PTPRR: variants seen among roughly 807,000 people sequenced by gnomAD.
The protein encoded by PTPRR is receptor-type tyrosine-protein phosphatase R.
In PTPRR, 38 loss-of-function variants were observed where a neutral mutation model predicts 77.2. The observed-to-expected ratio is 0.49, with a 90% CI of 0.38 to 0.65. The LOEUF (loss-of-function observed/expected upper bound fraction) is 0.65, where lower values mean the gene tolerates loss of function less well. Ranked by LOEUF, PTPRR falls within the 30% of genes least tolerant of loss-of-function variation. The pLI is 0.00. For missense variants in PTPRR, 744 were observed against 799.2 expected, an observed-to-expected ratio of 0.93 and a Z score of 0.83; for synonymous variants, 299 against 283.1, an observed-to-expected ratio of 1.06 and a Z score of -0.57.
At chr12:70,798,388 C>T (rs1891553240) in intron 2 of PTPRR, among the ~76,000 whole-genome samples, 1 of 152,180 alleles carries the variant, frequency 6.6e-6, no homozygotes, top group African/African-American at 2.4e-5. Context: ...CTTCATATAA[C>T]ATCAAGAGAA....
At chr12:70,825,516 G>A (rs980079106) in intron 2 of PTPRR, among the ~76,000 whole-genome samples, 2 of 152,116 alleles carry the variant, frequency 1.3e-5, no homozygotes, top group African/African-American at 2.4e-5. Flanking sequence ...TGGATTTAGT[G>A]CTAATGGAGA....
At chr12:70,905,684 A>G (rs891530346) in intron 1 of PTPRR, among the ~76,000 whole-genome samples, 1 of 151,952 alleles carries the variant, frequency 6.6e-6, no homozygotes, top group African/African-American at 2.4e-5. Flanking sequence ...CATTATTTCA[A>G]ATTCAGTGTT....
chr12:70,853,763 C>T (rs1367987211), intron 2 of PTPRR, among the ~76,000 whole-genome samples: 2 of 152,208 alleles, frequency 1.3e-5, no homozygotes, highest in African/African-American at 4.8e-5. Flanking sequence ...GTCAGCCAGC[C>T]ATGTCCCCGC....
intron 1 of PTPRR, among the ~76,000 whole-genome samples, chr12:70,894,343 CT>C (rs1893388860): frequency 6.6e-6 from 1 of 151,676 alleles, no homozygotes; most frequent in African/African-American, 2.4e-5. Flanking sequence ...TTAAATTTCT[CT>C]ATTTTCTCTT....
intron 6 of PTPRR, among the ~76,000 whole-genome samples, chr12:70,703,286 G>T (rs1888500080): frequency 6.6e-6 from 1 of 152,062 alleles, no homozygotes; most frequent in African/African-American, 2.4e-5. Flanking sequence ...GTTTTGGGGG[G>T]TATGTTTCTG....
intron 2 of PTPRR, among the ~76,000 whole-genome samples, chr12:70,827,679 G>A (rs1008159995): frequency 6.8e-6 from 1 of 146,136 alleles, no homozygotes; most frequent in Non-Finnish European, 1.5e-5. Flanking sequence ...CTGAGTAGAT[G>A]GGATTATAGG....
At position 70,756,505 on chromosome 12, in the gene PTPRR, C is replaced by A. The variant is rs554350332; in HGVS notation, c.628-2204G>T. ...AATCTAACCTTTGCATAGGGTTAAC[C>A]CCATGCTTTTTATATTTTGTCAGGT... On this transcript the variant is annotated intron_variant, in intron 4 of 13. Transcript: ENST00000283228. Among the ~76,000 whole-genome samples, 60 of 152,166 alleles carry A rather than the reference C, an allele frequency of 3.9e-4. 1 individual carries two copies. The highest frequency in any genetic ancestry group is 1.4e-3 in the African/African-American group (59 of 41,532).
chr12:70,886,088 A>G (rs1893235043), intron 2 of PTPRR, among the ~76,000 whole-genome samples: 1 of 152,152 alleles, frequency 6.6e-6, no homozygotes, highest in Non-Finnish European at 1.5e-5. Flanking sequence ...GTAACCTCAC[A>G]CAGACATTGC....
chr12:70,707,482 A>T (rs1383022295), intron 6 of PTPRR, among the ~76,000 whole-genome samples: 3 of 152,154 alleles, frequency 2.0e-5, no homozygotes, highest in Non-Finnish European at 4.4e-5. Context: ...CTGTTTTCAA[A>T]CATTTGATAG....
intron 2 of PTPRR, among the ~76,000 whole-genome samples, chr12:70,773,711 G>A (rs912676760): frequency 6.6e-6 from 1 of 152,164 alleles, no homozygotes; most frequent in Admixed American, 6.5e-5. Flanking sequence ...TACTAGACCT[G>A]AAGAAAGTGG....
chr12:70,710,653 C>A (rs12827715), intron 6 of PTPRR, among the ~76,000 whole-genome samples: 23 of 152,124 alleles, frequency 1.5e-4, no homozygotes, highest in African/African-American at 5.3e-4. Context: ...GCCAACTCTG[C>A]ATCAGACAAA....
At chr12:70,701,012 C>A in intron 7 of PTPRR, 125 bp downstream of exon 7, 1 of 944,186 alleles carries the variant, frequency 1.1e-6, no homozygotes, top group Non-Finnish European at 1.6e-6. Context: ...AATCTAAAAC[C>A]ATTTCACTTT....
intron 13 of PTPRR, among the ~76,000 whole-genome samples, chr12:70,639,945 C>A (rs1404098365): frequency 6.6e-6 from 1 of 152,066 alleles, no homozygotes; most frequent in East Asian, 1.9e-4. Context: ...TACGGGGTGT[C>A]TAAACACAAT....
chr12:70,722,106 C>T (rs1007292652), intron 6 of PTPRR, among the ~76,000 whole-genome samples: 17 of 152,156 alleles, frequency 1.1e-4, no homozygotes, highest in African/African-American at 4.1e-4. Flanking sequence ...CCCCCGTGGA[C>T]GCTTCCTTTC....
chr12:70,792,857 G>GCC (rs748522788), intron 2 of PTPRR, among the ~76,000 whole-genome samples: 9 of 152,162 alleles, frequency 5.9e-5, no homozygotes, highest in East Asian at 3.9e-4. Flanking sequence ...TTTGAAAAGA[G>GCC]CCCCTGTCAG....
intron 1 of PTPRR, among the ~76,000 whole-genome samples, chr12:70,904,177 C>T (rs767151035): frequency 4.0e-5 from 6 of 151,724 alleles, no homozygotes; most frequent in Non-Finnish European, 5.9e-5. Context: ...TAAACACATA[C>T]TTAGCATATG....
intron 1 of PTPRR, among the ~76,000 whole-genome samples, chr12:70,919,680 T>G (rs1485034621): frequency 6.7e-4 from 14 of 20,752 alleles, no homozygotes; most frequent in East Asian, 6.1e-3. Flanking sequence ...ATTGTTTTTT[T>G]TTTTTTTTTT....
intron 10 of PTPRR, among the ~76,000 whole-genome samples, chr12:70,674,650 G>A (rs1004215655): frequency 4.7e-4 from 71 of 152,168 alleles, no homozygotes; most frequent in African/African-American, 1.6e-3. Flanking sequence ...CTATATAGTC[G>A]TAGTTGGTCA....
At chr12:70,653,129 C>T (rs760799636) in intron 13 of PTPRR, among the ~76,000 whole-genome samples, 9 of 152,022 alleles carry the variant, frequency 5.9e-5, no homozygotes, top group African/African-American at 1.4e-4. Flanking sequence ...CTGGAGTCCC[C>T]GGGTGATTTG....
Sources: allele counts gnomAD v4.1 joint callset (sites outside exome capture counted in the v4.1 genomes callset), GRCh38; gene constraint gnomAD v4.1.1; transcripts MANE v1.5; gene names NCBI Gene and HGNC (gene_info 2026-07-23, HGNC 2026-07-21).